OCA2: variants seen among roughly 807,000 people sequenced by gnomAD.
OCA2 encodes the protein OCA2 melanosomal transmembrane protein, also known as P protein.
In OCA2, 77 loss-of-function variants were observed where a neutral mutation model predicts 100.2. The ratio of observed to expected loss-of-function variants is 0.77; its 90% confidence interval spans 0.64 to 0.93. OCA2 has a LOEUF of 0.93. OCA2 is among the 40% of genes least tolerant of loss of function. The pLI, the probability that OCA2 is intolerant of heterozygous loss-of-function variation, is 0.00. For missense variants in OCA2, 1,062 were observed against 1,089.1 expected, an observed-to-expected ratio of 0.98 and a Z score of 0.35; for synonymous variants, 432 against 439.2, an observed-to-expected ratio of 0.98 and a Z score of 0.21.
chr15:27,966,053 C>T, intron 15 of OCA2, among the ~76,000 whole-genome samples: 1 of 152,198 alleles, frequency 6.6e-6, no homozygotes, highest in East Asian at 1.9e-4. Flanking sequence ...TCACTGCAAC[C>T]TCCACCTCCT....
chr15:27,821,463 C>G (rs112688926), intron 23 of OCA2, among the ~76,000 whole-genome samples: 3,116 of 152,264 alleles, frequency 0.02, 96 homozygotes, highest in African/African-American at 0.07. Context: ...TGCACACATG[C>G]AGGCACAACT....
intron 19 of OCA2, chr15:27,896,136 G>T: frequency 9.9e-7 from 1 of 1,012,572 alleles, no homozygotes; most frequent in East Asian, 2.4e-5. Context: ...TATGGATGCA[G>T]GCCTTGCCAG....
In OCA2 at chr15:28,027,926, C is replaced by T. The variant is rs746681064; in HGVS notation, c.460G>A (p.Glu154Lys). 6.2e-7 allele frequency: 1 copy of T among 1,614,082 alleles called. No individual in the cohort carries two copies. Among genetic ancestry groups the T allele is most frequent in the Non-Finnish European group, 8.5e-7 (1 of 1,180,034 alleles). ...GGGCTGTCCAGAAGGTCTCCCTTCTCGGAGGAGGCAGATGCAGACAGACCA... is the reference window on the plus strand; with the variant it reads ...GGGCTGTCCAGAAGGTCTCCCTTCTTGGAGGAGGCAGATGCAGACAGACCA... The part of the protein sequence containing the change: ...VSGLSASASS[E>K]KGDLLDSPHI... The change falls in exon 4 of 24, where the codon GAG (glutamate) becomes AAG (lysine). Residue 154 changes from glutamate (E) to lysine (K), a missense_variant. Coordinates refer to ENST00000354638, the MANE Select transcript of OCA2 (RefSeq NM_000275.3).
chr15:27,843,225 C>T (rs746353639), intron 23 of OCA2, among the ~76,000 whole-genome samples: 9 of 152,194 alleles, frequency 5.9e-5, no homozygotes, highest in South Asian at 2.1e-4. Context: ...GATGTGAGAA[C>T]GACGGCCTTC....
intron 9 of OCA2, among the ~76,000 whole-genome samples, chr15:28,000,955 G>A (rs558214280): frequency 1.3e-5 from 2 of 152,156 alleles, no homozygotes; most frequent in African/African-American, 4.8e-5. Context: ...AAACACAGGA[G>A]ATAACAAATG....
At chr15:27,903,228 G>T (rs62001375) in intron 19 of OCA2, among the ~76,000 whole-genome samples, 1 of 152,180 alleles carries the variant, frequency 6.6e-6, no homozygotes, top group Non-Finnish European at 1.5e-5. Context: ...CGTAAGTCCC[G>T]ACGGTCTGTC....
At chr15:28,040,225 GA>G (rs2043163865) in intron 2 of OCA2, among the ~76,000 whole-genome samples, 1 of 152,108 alleles carries the variant, frequency 6.6e-6, no homozygotes, top group Non-Finnish European at 1.5e-5. Flanking sequence ...AGAACAGTGA[GA>G]AAATTAATTT....
downstream of OCA2, among the ~76,000 whole-genome samples, chr15:27,753,244 C>T (rs1032488596): frequency 4.6e-5 from 7 of 151,372 alleles, no homozygotes; most frequent in Admixed American, 1.3e-4. Context: ...AGTGTTGGAG[C>T]GTCAGAGAAA....
intron 2 of OCA2, among the ~76,000 whole-genome samples, chr15:28,074,673 CAAAAA>C (rs1172821817): frequency 4.5e-5 from 3 of 66,950 alleles, no homozygotes; most frequent in South Asian, 4.9e-4. Context: ...GACTCCGTCT[CAAAAA>C]AAAAAAAAAA....
intron 23 of OCA2, among the ~76,000 whole-genome samples, chr15:27,763,868 G>A (rs757252846): frequency 6.6e-6 from 1 of 152,206 alleles, no homozygotes; most frequent in Non-Finnish European, 1.5e-5. Flanking sequence ...AGGGTGTGAG[G>A]CAGCCAGAGA....
intron 18 of OCA2, among the ~76,000 whole-genome samples, chr15:27,936,649 C>T (rs2039463732): frequency 6.6e-6 from 1 of 152,166 alleles, no homozygotes; most frequent in Non-Finnish European, 1.5e-5. Context: ...CTCCAACACT[C>T]AGTGGCTCTT....
chr15:28,056,643 T>C (rs1287685273), intron 2 of OCA2, among the ~76,000 whole-genome samples: 1 of 152,262 alleles, frequency 6.6e-6, no homozygotes, highest in Non-Finnish European at 1.5e-5. Flanking sequence ...GACATGTGTG[T>C]GTGGAGGATG....
At chr15:27,726,483 G>T in the OCA2 span, among the ~76,000 whole-genome samples, 5 of 152,196 alleles carry the variant, frequency 3.3e-5, no homozygotes, top group African/African-American at 1.2e-4. Flanking sequence ...GCAATTTCCT[G>T]ACTCCGGTTG....
chr15:27,770,802 TTTCC>T (rs2031698282), intron 23 of OCA2, among the ~76,000 whole-genome samples: 3 of 118,446 alleles, frequency 2.5e-5, no homozygotes, highest in African/African-American at 9.9e-5. Flanking sequence ...CCCTCCCTCT[TTTCC>T]TTCCTTCCTC....
intron 21 of OCA2, among the ~76,000 whole-genome samples, chr15:27,862,478 T>TA (rs1472915882): frequency 5.7e-5 from 3 of 52,386 alleles, no homozygotes; most frequent in Admixed American, 2.2e-4. Context: ...TCCTCAGACA[T>TA]TTTTTTTTTT....
intron 21 of OCA2, among the ~76,000 whole-genome samples, chr15:27,869,828 G>A (rs1331506337): frequency 6.6e-6 from 1 of 152,208 alleles, no homozygotes; most frequent in African/African-American, 2.4e-5. Context: ...ATTGGGTAAG[G>A]GCAGCCCTGC....
At chr15:27,877,944 G>C (rs2036857826) in intron 19 of OCA2, among the ~76,000 whole-genome samples, 1 of 150,696 alleles carries the variant, frequency 6.6e-6, no homozygotes. Context: ...TGGGTTACTT[G>C]AATATTGTAT....
Position 27,824,602 on chromosome 15 carries a change from C to CTCTCTCTCTCTCTCTCTATATATATATA in OCA2, c.2432+20356_2432+20357insTATATATATATAGAGAGAGAGAGAGAGA. Among the ~76,000 whole-genome samples the CTCTCTCTCTCTCTCTCTATATATATATA allele has an allele frequency of 4.9e-3, 234 of 47,420 alleles. 2 individuals are homozygous for CTCTCTCTCTCTCTCTCTATATATATATA. The highest frequency in any genetic ancestry group is 8.9e-3 in the African/African-American group (56 of 6,288). The allele number at this position is 47,420 out of a possible 152,430, so 31.1% of individuals were successfully genotyped here. A position where few individuals can be genotyped will look rare whatever the true frequency, so the allele number is the denominator to read the frequency against. On this transcript the variant is annotated intron_variant, in intron 23 of 23. Transcript: ENST00000354638. ...TTTCTCTCTCTCTCTCTCTCTCTCT[C>CTCTCTCTCTCTCTCTCTATATATATATA]TATATATATATATATATATAATATA...
intron 20 of OCA2, 42 bp downstream of exon 20, chr15:27,871,821 G>C (rs1319591039): frequency 7.9e-7 from 1 of 1,260,760 alleles, no homozygotes; most frequent in South Asian, 1.2e-5. Flanking sequence ...CAAAATCAAA[G>C]AACAGTGGCT....
Sources: gnomAD v4.1 joint callset for allele counts (sites outside exome capture counted in the v4.1 genomes callset) on GRCh38, gnomAD v4.1.1 for gene constraint, MANE v1.5 for transcripts, NCBI Gene and HGNC (gene_info 2026-07-23, HGNC 2026-07-21) for gene names.